Variants in TMEM232 observed in about 807,000 individuals in gnomAD.
TMEM232 encodes transmembrane protein 232.
In TMEM232, 80 loss-of-function variants were observed where a neutral mutation model predicts 78.8. The ratio of observed to expected loss-of-function variants is 1.01; its 90% confidence interval spans 0.85 to 1.22. The LOEUF is 1.22. Among genes scored for constraint, TMEM232 ranks in the 50% most tolerant of loss-of-function variants. The pLI is 0.00. For synonymous variants in TMEM232, 297 were observed against 254.3 expected, an observed-to-expected ratio of 1.17 and a Z score of -1.60; for missense variants, 881 against 742.2, an observed-to-expected ratio of 1.19 and a Z score of -2.17.
At chr5:110,725,262 T>C (rs1050998165) in intron 1 of TMEM232, among the ~76,000 whole-genome samples, 1 of 152,218 alleles carries the variant, frequency 6.6e-6, no homozygotes, top group Non-Finnish European at 1.5e-5. Flanking sequence ...GATTTCTCAG[T>C]GTTAATATTC....
chr5:110,388,846 C>T (rs1006115187), intron 4 of TMEM232, among the ~76,000 whole-genome samples: 1 of 152,140 alleles, frequency 6.6e-6, no homozygotes, highest in Non-Finnish European at 1.5e-5. Context: ...ACTACTGATG[C>T]AGGAAAGATG....
At chr5:110,425,061 G>A in intron 12 of TMEM232, 145 bp from the exon 13 acceptor site, 1 of 686,074 alleles carries the variant, frequency 1.5e-6, no homozygotes, top group Non-Finnish European at 2.4e-6. Flanking sequence ...ACTATGGTAT[G>A]TTAGCTTTTA....
At chr5:110,707,152 C>T (rs1796001774) in intron 1 of TMEM232, among the ~76,000 whole-genome samples, 1 of 152,132 alleles carries the variant, frequency 6.6e-6, no homozygotes, top group Non-Finnish European at 1.5e-5. Flanking sequence ...CAAATTTTAA[C>T]ATGTGCACAC....
At chr5:110,445,068 A>G (rs1759496862) in intron 12 of TMEM232, among the ~76,000 whole-genome samples, 1 of 151,796 alleles carries the variant, frequency 6.6e-6, no homozygotes, top group Non-Finnish European at 1.5e-5. Flanking sequence ...CTCATTTTCC[A>G]TGGCTGAAAA....
intron 11 of TMEM232, among the ~76,000 whole-genome samples, chr5:110,547,657 G>C (rs182318124): frequency 1.0e-3 from 157 of 152,164 alleles, no homozygotes; most frequent in African/African-American, 3.7e-3. Flanking sequence ...TCTATGACAA[G>C]ATATTATTCT....
At chr5:110,493,222 C>T (rs1019971416) in intron 12 of TMEM232, among the ~76,000 whole-genome samples, 12 of 150,688 alleles carry the variant, frequency 8.0e-5, no homozygotes, top group African/African-American at 2.9e-4. Context: ...CACCATGTTC[C>T]TAGAGATGAA....
At chr5:110,620,407 A>G (rs149320000) in intron 7 of TMEM232, among the ~76,000 whole-genome samples, 1 of 152,170 alleles carries the variant, frequency 6.6e-6, no homozygotes, top group Non-Finnish European at 1.5e-5. Context: ...CACAAAATAC[A>G]TAATCACAGA....
At position 110,619,957 on chromosome 5, in the gene TMEM232, C is replaced by T. The variant is rs146457397; in HGVS notation, c.769-1395G>A. Among the ~76,000 whole-genome samples, 1,491 of 151,906 alleles carry T rather than the reference C, an allele frequency of 9.8e-3. 33 individuals are homozygous for T. The highest frequency in any genetic ancestry group is 0.034 in the African/African-American group (1,392 of 41,460). On this transcript the variant is annotated intron_variant, in intron 7 of 13. Transcript: ENST00000455884. ...ATAAAACAAGAATAAAAAAAAACTT[C>T]GGAGTGACTCGAATGGTTAATTTAT...
intron 1 of TMEM232, among the ~76,000 whole-genome samples, chr5:110,692,121 C>T (rs1160692257): frequency 1.3e-5 from 2 of 152,078 alleles, no homozygotes; most frequent in Non-Finnish European, 2.9e-5. Context: ...CGGGGTTTCA[C>T]CCTGTTAGCC....
intron 10 of TMEM232, among the ~76,000 whole-genome samples, chr5:110,573,901 G>A (rs1777252885): frequency 6.6e-6 from 1 of 152,098 alleles, no homozygotes; most frequent in Non-Finnish European, 1.5e-5. Context: ...AGACACCTGA[G>A]GGTCATGGGA....
intron 2 of TMEM232, among the ~76,000 whole-genome samples, chr5:110,734,288 G>C (rs553150136): frequency 1.1e-4 from 17 of 152,292 alleles, no homozygotes; most frequent in African/African-American, 4.1e-4. Context: ...TCCTTCTGGA[G>C]CCCAGAGTGA....
chr5:110,683,943 T>C (rs983661972), intron 1 of TMEM232, among the ~76,000 whole-genome samples: 1 of 152,032 alleles, frequency 6.6e-6, no homozygotes, highest in Non-Finnish European at 1.5e-5. Context: ...ATTGATGTAC[T>C]TAAAGCAAAA....
chr5:110,577,199 A>G (rs540358099), intron 10 of TMEM232, among the ~76,000 whole-genome samples: 1 of 152,198 alleles, frequency 6.6e-6, no homozygotes, highest in South Asian at 2.1e-4. Flanking sequence ...AAATCCCATA[A>G]AAAGTAGGCA....
chr5:110,436,074 A>C (rs777526259), intron 12 of TMEM232, among the ~76,000 whole-genome samples: 12 of 151,964 alleles, frequency 7.9e-5, no homozygotes, highest in Non-Finnish European at 1.8e-4. Context: ...CATTCCTACC[A>C]ATACTTGCAA....
chr5:110,663,721 G>A (rs1216292831), intron 2 of TMEM232, among the ~76,000 whole-genome samples: 1 of 134,500 alleles, frequency 7.4e-6, no homozygotes, highest in East Asian at 2.1e-4. Flanking sequence ...TATAGACTGG[G>A]GAAGGAAATG....
chr5:110,527,330 ATTAC>A (rs1463593400), intron 12 of TMEM232, among the ~76,000 whole-genome samples: 3 of 152,010 alleles, frequency 2.0e-5, no homozygotes, highest in Non-Finnish European at 4.4e-5. Flanking sequence ...ATTAATCCAA[ATTAC>A]TTCTCATTTG....
At chr5:110,439,831 C>G (rs1381545886) in intron 12 of TMEM232, among the ~76,000 whole-genome samples, 1 of 152,048 alleles carries the variant, frequency 6.6e-6, no homozygotes, top group Non-Finnish European at 1.5e-5. Context: ...AGTCCTGGGC[C>G]AAGAATGATC....
At chr5:110,501,988 GA>G (rs1173343226) in intron 12 of TMEM232, among the ~76,000 whole-genome samples, 1 of 152,086 alleles carries the variant, frequency 6.6e-6, no homozygotes, top group African/African-American at 2.4e-5. Context: ...ATAAGGAAAA[GA>G]GATGATTATC....
chr5:110,641,172 T>C (rs1342696748), intron 3 of TMEM232, among the ~76,000 whole-genome samples, 176 bp from the exon 4 acceptor site: 1 of 152,182 alleles, frequency 6.6e-6, no homozygotes, highest in African/African-American at 2.4e-5. Context: ...GGAGATTTTA[T>C]GCAAACTGTA....
Sources: gnomAD v4.1 joint callset for allele counts (sites outside exome capture counted in the v4.1 genomes callset) on GRCh38, gnomAD v4.1.1 for gene constraint, MANE v1.5 for transcripts, NCBI Gene and HGNC (gene_info 2026-07-23, HGNC 2026-07-21) for gene names.